SHISA9: variants seen among roughly 807,000 people sequenced by gnomAD.
The protein encoded by SHISA9 is protein shisa-9.
A neutral mutation model predicts 38.0 loss-of-function variants in SHISA9; 13 were observed. The observed-to-expected ratio is 0.34, with a 90% CI of 0.22 to 0.54. SHISA9 has a LOEUF of 0.54. Among genes scored for constraint, SHISA9 ranks in the 20% least tolerant of loss-of-function variants. The pLI, the probability that SHISA9 is intolerant of heterozygous loss-of-function variation, is 0.91. For synonymous variants in SHISA9, 275 were observed against 242.0 expected (o/e 1.14, Z -1.27); for missense variants, 538 against 575.8 (o/e 0.93, Z 0.67).
the SHISA9 span, chr16:13,562,993 T>A: frequency 3.3e-5 from 5 of 152,252 alleles, no homozygotes; most frequent in Admixed American, 6.5e-5. Context: ...TTCTTTCATA[T>A]TAAAGGAGTT....
intron 2 of SHISA9, among the ~76,000 whole-genome samples, chr16:13,187,169 T>C (rs1486176955): frequency 2.0e-5 from 3 of 152,184 alleles, no homozygotes; most frequent in Non-Finnish European, 2.9e-5. Flanking sequence ...TTAATTTGCC[T>C]ATGGCCTGAC....
chr16:13,204,598 G>T (rs770806066), intron 3 of SHISA9, among the ~76,000 whole-genome samples: 2 of 152,188 alleles, frequency 1.3e-5, no homozygotes, highest in African/African-American at 2.4e-5. Context: ...AACAATGCAC[G>T]TTCCTATCCC....
the SHISA9 span, among the ~76,000 whole-genome samples, chr16:13,371,949 C>T: frequency 2.0e-5 from 3 of 152,230 alleles, no homozygotes; most frequent in African/African-American, 4.8e-5. Flanking sequence ...AGGCAACACC[C>T]GTGCCACCCA....
intron 2 of SHISA9, among the ~76,000 whole-genome samples, chr16:13,027,602 C>G (rs2072938413): frequency 6.6e-6 from 1 of 152,014 alleles, no homozygotes; most frequent in African/African-American, 2.4e-5. Context: ...TGGAATAATT[C>G]TCGGCAATAA....
At chr16:13,474,934 G>C in the SHISA9 span, among the ~76,000 whole-genome samples, 1 of 152,190 alleles carries the variant, frequency 6.6e-6, no homozygotes, top group African/African-American at 2.4e-5. Flanking sequence ...GGTACTGGTA[G>C]GGGGACAGTC....
intron 2 of SHISA9, among the ~76,000 whole-genome samples, chr16:13,148,531 C>T (rs2050468334): frequency 6.6e-6 from 1 of 152,070 alleles, no homozygotes; most frequent in Non-Finnish European, 1.5e-5. Flanking sequence ...ACCATCTCAC[C>T]AAAGCAAACC....
chr16:13,362,725 C>T, the SHISA9 span, among the ~76,000 whole-genome samples: 1 of 152,218 alleles, frequency 6.6e-6, no homozygotes, highest in Non-Finnish European at 1.5e-5. Context: ...TCACTTCTCA[C>T]ATTCCTGATT....
chr16:13,158,959 C>G (rs2050571685), intron 2 of SHISA9, among the ~76,000 whole-genome samples: 1 of 150,202 alleles, frequency 6.7e-6, no homozygotes, highest in Non-Finnish European at 1.5e-5. Context: ...ACTCGCGAGG[C>G]TGAGGCAGGA....
chr16:13,138,538 C>T (rs1410258753), intron 2 of SHISA9, among the ~76,000 whole-genome samples: 2 of 152,174 alleles, frequency 1.3e-5, no homozygotes, highest in Admixed American at 6.5e-5. Context: ...ATTGAATGAA[C>T]AGATATGGCA....
the SHISA9 span, among the ~76,000 whole-genome samples, chr16:13,391,983 G>C: frequency 6.6e-6 from 1 of 152,118 alleles, no homozygotes; most frequent in Non-Finnish European, 1.5e-5. Context: ...GATGGTCCCG[G>C]TTTGCTGGTA....
downstream of SHISA9, among the ~76,000 whole-genome samples, chr16:13,241,753 T>C (rs985404117): frequency 6.6e-6 from 1 of 152,180 alleles, no homozygotes; most frequent in African/African-American, 2.4e-5. Context: ...CTCTGGGATT[T>C]GGAGACCTTT....
At chr16:13,367,788 C>G in the SHISA9 span, among the ~76,000 whole-genome samples, 4 of 151,750 alleles carry the variant, frequency 2.6e-5, no homozygotes, top group African/African-American at 9.7e-5. Flanking sequence ...TGCTAACAAA[C>G]CCTTACTTAC....
the SHISA9 span, among the ~76,000 whole-genome samples, chr16:13,282,084 A>G: frequency 1.8e-4 from 27 of 152,070 alleles, no homozygotes; most frequent in South Asian, 5.6e-3. Flanking sequence ...TTTACCATTT[A>G]CAGTGCTCAT....
downstream of SHISA9, among the ~76,000 whole-genome samples, chr16:13,242,573 T>C (rs2051443125): frequency 6.6e-6 from 1 of 152,196 alleles, no homozygotes; most frequent in Non-Finnish European, 1.5e-5. Context: ...TTGTGTCCTA[T>C]AATGAAGAGA....
At chr16:13,423,440 C>A in the SHISA9 span, among the ~76,000 whole-genome samples, 2 of 152,204 alleles carry the variant, frequency 1.3e-5, no homozygotes. Context: ...AGTTCAATTT[C>A]ATTTTATAAC....
At chr16:12,923,361 C>T (rs914254178) in intron 2 of SHISA9, among the ~76,000 whole-genome samples, 5 of 152,044 alleles carry the variant, frequency 3.3e-5, no homozygotes, top group African/African-American at 9.7e-5. Context: ...AAACCGTGTC[C>T]CTACAAAAAC....
At chr16:13,218,772 C>G (rs1488456606) in intron 4 of SHISA9, among the ~76,000 whole-genome samples, 1 of 152,170 alleles carries the variant, frequency 6.6e-6, no homozygotes, top group Non-Finnish European at 1.5e-5. Context: ...AGAAAATTGA[C>G]TTAGCCCAAT....
intron 2 of SHISA9, among the ~76,000 whole-genome samples, chr16:12,938,299 A>T (rs1473680819): frequency 6.6e-6 from 1 of 152,218 alleles, no homozygotes; most frequent in Non-Finnish European, 1.5e-5. Context: ...GACTTACTGC[A>T]ACTCTCCCTG....
At position 12,914,111 on chromosome 16, in the gene SHISA9, T is replaced by C. The variant is rs180772273; in HGVS notation, c.564-2577T>C. On this transcript the variant is annotated intron_variant, in intron 1 of 4. Coordinates refer to ENST00000558583, the MANE Select transcript of SHISA9 (RefSeq NM_001145204.3). ...CCCAGGCTGGAGTGCAATGGCGCGA[T>C]CTCGGCTCACTGCAACCCCTGCCTC... Among the ~76,000 whole-genome samples, 826 of 150,622 alleles carry C rather than the reference T, an allele frequency of 5.5e-3. 10 individuals are homozygous for C. Among genetic ancestry groups the C allele is most frequent in the African/African-American group, 0.02 (801 of 41,026 alleles).
Sources: allele counts gnomAD v4.1 joint callset (sites outside exome capture counted in the v4.1 genomes callset), GRCh38; gene constraint gnomAD v4.1.1; transcripts MANE v1.5; gene names NCBI Gene and HGNC (gene_info 2026-07-23, HGNC 2026-07-21).